CCDC187: variants seen among roughly 807,000 people sequenced by gnomAD.
CCDC187 encodes coiled-coil domain-containing protein 187.
CCDC187 carries 32 observed loss-of-function variants against 38.0 expected under a neutral mutation model. The observed-to-expected ratio is 0.84, with a 90% CI of 0.64 to 1.13. CCDC187 has a LOEUF of 1.13. Among genes scored for constraint, CCDC187 ranks in the 50% most tolerant of loss-of-function variants. The pLI, the probability that CCDC187 is intolerant of heterozygous loss-of-function variation, is 0.00. For synonymous variants in CCDC187, 333 were observed against 347.9 expected (o/e 0.96, Z 0.48); for missense variants, 707 against 786.8 (o/e 0.90, Z 1.21).
At chr9:136,274,090 C>A (rs550414142) in intron 14 of CCDC187, among the ~76,000 whole-genome samples, 1 of 152,272 alleles carries the variant, frequency 6.6e-6, no homozygotes, top group Non-Finnish European at 1.5e-5. Flanking sequence ...TGGAGGTGGG[C>A]GTATCAACGG....
chr9:136,293,117 ACT>A lies in CCDC187; in HGVS notation c.833-824_833-823del, dbSNP rs1198243555. Among the ~76,000 whole-genome samples the A allele has an allele frequency of 2.1e-5, 3 of 145,772 alleles. No homozygotes were observed. In the East Asian group the frequency reaches 5.9e-4, roughly 28 times the overall value. Reference sequence around the variant, plus strand: ...TCACAAACACTCACATTGCTCACACACTCACAAACACTCACATGCTCACACAC... The same window carrying A: ...TCACAAACACTCACATTGCTCACACACACAAACACTCACATGCTCACACAC... On this transcript the variant is annotated intron_variant, in intron 4 of 25. Transcript: ENST00000638797.
At chr9:136,267,829 A>G (rs2131171637) in intron 15 of CCDC187, 1 of 982,946 alleles carries the variant, frequency 1.0e-6, no homozygotes, top group South Asian at 4.7e-5. Context: ...CCAAAGCACC[A>G]TGTTGAAATG....
At chr9:136,292,417 C>T in intron 4 of CCDC187, 122 bp from the exon 5 acceptor site, 1 of 396,788 alleles carries the variant, frequency 2.5e-6, no homozygotes, top group Non-Finnish European at 4.4e-6. Flanking sequence ...CAGAAGGCAC[C>T]GGGAGGATAT....
intron 14 of CCDC187, among the ~76,000 whole-genome samples, chr9:136,269,814 A>G (rs62579927): frequency 0.75 from 114,705 of 152,124 alleles, 44,889 homozygotes; most frequent in East Asian, 0.89. Context: ...TGGGTGTGAG[A>G]ATTGGCAGAG....
Position 136,254,518 on chromosome 9 carries a change from C to T in CCDC187, c.5310G>A (p.Leu1770=), listed in dbSNP as rs1588647825. Residue 1770 remains leucine, a synonymous_variant, in exon 26 of 26, where the codon CTG becomes CTA. Coordinates refer to ENST00000638797, the MANE Select transcript of CCDC187 (RefSeq NM_001378188.1). The stretch of plus-strand genomic sequence containing the variant: ...GCTTGGCCCCGGTACAGGGTTCTGG[C>T]AGGTCCTCCTCGCAGTCCTCCTCCC... ...KVWEEDCEED[L]PEPCTGAKPA... is the part of the protein sequence containing the mutation. 9 of 985,412 alleles carry T rather than the reference C, an allele frequency of 9.1e-6. No homozygotes were observed. The highest frequency in any genetic ancestry group is 1.1e-5 in the Non-Finnish European group (9 of 830,002). The allele number at this position is 985,412 out of a possible 1,614,324, so 61.0% of individuals were successfully genotyped here. A position where few individuals can be genotyped will look rare whatever the true frequency, so the allele number is the denominator to read the frequency against.
At position 136,251,086 on chromosome 9, in the gene CCDC187, T is replaced by C. The variant is rs781967757; in HGVS notation, c.*2508A>G. ...GCTCCTCTCTGAAGTGGAGGAGGCC[T>C]GAGGCCCTGGACAGGAGAAGCCACA... On this transcript the variant is annotated 3_prime_UTR_variant, in exon 26 of 26. Transcript: ENST00000638797. The C allele has an allele frequency of 2.4e-5, 11 of 453,038 alleles. No individual in the cohort carries two copies. In the Admixed American group the frequency reaches 2.6e-4, roughly 11 times the overall value. The allele number at this position is 453,038 out of a possible 1,614,324, so 28.1% of individuals were successfully genotyped here.
At chr9:136,259,987 G>T in intron 20 of CCDC187, 132 bp downstream of exon 20, 1 of 760,418 alleles carries the variant, frequency 1.3e-6, no homozygotes, top group Non-Finnish European at 1.6e-6. Flanking sequence ...GGGGTGGCCC[G>T]GTCACAGGCG....
At chr9:136,296,454 G>A (rs1211202910) in intron 4 of CCDC187, 1 of 152,296 alleles carries the variant, frequency 6.6e-6, no homozygotes, top group Non-Finnish European at 1.5e-5. Context: ...CCGGCCTTGG[G>A]CTGGACGGGT....
At chr9:136,285,791 T>C (rs1335610393) in intron 8 of CCDC187, 185 bp from the exon 9 acceptor site, 2 of 397,060 alleles carry the variant, frequency 5.0e-6, no homozygotes, top group Admixed American at 4.4e-5. Context: ...AAGGAGCCAC[T>C]GGAGCGGCCT....
At chr9:136,299,367 C>T (rs1040105229) in intron 3 of CCDC187, among the ~76,000 whole-genome samples, 37 of 152,278 alleles carry the variant, frequency 2.4e-4, no homozygotes, top group Middle Eastern at 3.4e-3. Flanking sequence ...TGGACCCACC[C>T]GGCCGGCACT....
chr9:136,304,897 G>A (rs1831775257), upstream of CCDC187, among the ~76,000 whole-genome samples: 1 of 152,174 alleles, frequency 6.6e-6, no homozygotes, highest in Non-Finnish European at 1.5e-5. Context: ...GACCTCTTAA[G>A]TCTAGGAAGG....
chr9:136,267,912 GA>G, intron 15 of CCDC187, 136 bp downstream of exon 15: 2 of 985,548 alleles, frequency 2.0e-6, no homozygotes, highest in South Asian at 9.4e-5. Flanking sequence ...CGGGTGACGC[GA>G]TCGCCGGAAG....
chr9:136,271,804 T>C (rs62579932), intron 14 of CCDC187, among the ~76,000 whole-genome samples: 16,646 of 151,808 alleles, frequency 0.11, 1,219 homozygotes, highest in Admixed American at 0.2. Flanking sequence ...AGATGGGGTT[T>C]CACCATGTTA....
At chr9:136,259,188 C>A (rs1554760705) in intron 21 of CCDC187, among the ~76,000 whole-genome samples, 175 bp downstream of exon 21, 7 of 132,208 alleles carry the variant, frequency 5.3e-5, no homozygotes, top group Non-Finnish European at 3.4e-5. Flanking sequence ...AACCAAGGAC[C>A]GGCCACAGGA....
chr9:136,281,450 G>A (rs934630687), intron 10 of CCDC187, 101 bp downstream of exon 10: 8 of 398,382 alleles, frequency 2.0e-5, no homozygotes, highest in South Asian at 1.3e-4. Flanking sequence ...TCTCTACCCC[G>A]TAGGGCCAAG....
chr9:136,270,339 T>G (rs1830819700), intron 14 of CCDC187, among the ~76,000 whole-genome samples: 1 of 151,560 alleles, frequency 6.6e-6, no homozygotes, highest in African/African-American at 2.4e-5. Flanking sequence ...GGGTAAGGAG[T>G]CTTAATCACT....
intron 8 of CCDC187, 45 bp downstream of exon 8, chr9:136,286,040 C>T (rs1226159027): frequency 1.5e-5 from 6 of 397,942 alleles, no homozygotes; most frequent in Non-Finnish European, 2.7e-5. Context: ...GCCCACAGGA[C>T]CCCCTGGCCA....
upstream of CCDC187, among the ~76,000 whole-genome samples, chr9:136,305,977 G>A (rs1831798073): frequency 6.6e-6 from 1 of 152,218 alleles, no homozygotes; most frequent in African/African-American, 2.4e-5. Context: ...AGGACCCTCT[G>A]CCGATGTTGT....
chr9:136,306,028 C>T (rs1831799397), upstream of CCDC187, among the ~76,000 whole-genome samples: 1 of 152,242 alleles, frequency 6.6e-6, no homozygotes, highest in Admixed American at 6.5e-5. Context: ...CCGGCTGGCG[C>T]CCCTGCCCTG....
Sources: gnomAD v4.1 joint callset for allele counts (sites outside exome capture counted in the v4.1 genomes callset) on GRCh38, gnomAD v4.1.1 for gene constraint, MANE v1.5 for transcripts, NCBI Gene and HGNC (gene_info 2026-07-23, HGNC 2026-07-21) for gene names.